GPM6A: variants seen among roughly 807,000 people sequenced by gnomAD.
GPM6A encodes glycoprotein M6A, also known as neuronal membrane glycoprotein M6-a.
Under a neutral mutation model 32.1 loss-of-function variants are expected in GPM6A, and 7 were observed. The ratio of observed to expected loss-of-function variants is 0.22; its 90% confidence interval spans 0.12 to 0.41. GPM6A has a LOEUF of 0.41. Among genes scored for constraint, GPM6A ranks in the 10% least tolerant of loss-of-function variants. The pLI, the probability that GPM6A is intolerant of heterozygous loss-of-function variation, is 1.00. For synonymous variants in GPM6A, 130 were observed against 123.4 expected (o/e 1.05, Z -0.35); for missense variants, 235 against 347.2 (o/e 0.68, Z 2.57).
intron 6 of GPM6A, among the ~76,000 whole-genome samples, chr4:175,635,777 T>C (rs2110858847): frequency 6.6e-6 from 1 of 152,254 alleles, no homozygotes; most frequent in African/African-American, 2.4e-5. Flanking sequence ...CTTTTCTTTC[T>C]TCCCTCTTGG....
chr4:175,767,693 A>G (rs1334440580), intron 1 of GPM6A, among the ~76,000 whole-genome samples: 2 of 152,222 alleles, frequency 1.3e-5, no homozygotes, highest in African/African-American at 4.8e-5. Context: ...TAGGAGTTTT[A>G]TAAACATTTT....
chr4:175,806,216 T>A (rs1734689253), intron 1 of GPM6A: 1 of 152,156 alleles, frequency 6.6e-6, no homozygotes, highest in Admixed American at 6.6e-5. Flanking sequence ...ATCCTATGAA[T>A]CTCTCATGAG....
intron 6 of GPM6A, among the ~76,000 whole-genome samples, chr4:175,636,771 G>A (rs1740641949): frequency 6.7e-6 from 1 of 148,714 alleles, no homozygotes; most frequent in Non-Finnish European, 1.5e-5. Context: ...CCTCTAGCCT[G>A]GGCAACAGAG....
intron 1 of GPM6A, chr4:175,798,697 T>C (rs1401388615): frequency 6.6e-6 from 1 of 152,200 alleles, no homozygotes; most frequent in Non-Finnish European, 1.5e-5. Flanking sequence ...AAGTTTTGAA[T>C]GTTACCACTG....
intron 1 of GPM6A, among the ~76,000 whole-genome samples, chr4:175,844,519 T>C (rs1404303439): frequency 1.3e-5 from 2 of 152,204 alleles, no homozygotes; most frequent in Admixed American, 6.6e-5. Context: ...TCATTTTAGG[T>C]TTCAATAATA....
At chr4:175,975,629 T>C (rs983367789) in intron 1 of GPM6A, among the ~76,000 whole-genome samples, 1 of 152,240 alleles carries the variant, frequency 6.6e-6, no homozygotes, top group Non-Finnish European at 1.5e-5. Flanking sequence ...AACTAATTTT[T>C]AGAAATATTT....
chr4:175,748,587 C>T (rs777485885), intron 1 of GPM6A, among the ~76,000 whole-genome samples: 5 of 152,124 alleles, frequency 3.3e-5, no homozygotes, highest in Non-Finnish European at 7.4e-5. Flanking sequence ...AACAGATGTG[C>T]TGTCACCTTT....
chr4:175,699,719 T>C (rs1744770253), intron 2 of GPM6A, among the ~76,000 whole-genome samples: 1 of 152,128 alleles, frequency 6.6e-6, no homozygotes, highest in African/African-American at 2.4e-5. Flanking sequence ...TTCTTATCAG[T>C]CTTTCTCTAG....
intron 1 of GPM6A, among the ~76,000 whole-genome samples, chr4:175,831,422 C>T (rs1735607153): frequency 1.3e-5 from 2 of 152,140 alleles, no homozygotes; most frequent in Admixed American, 1.3e-4. Context: ...TACTTTATGC[C>T]TGACTATAGA....
intron 3 of GPM6A, among the ~76,000 whole-genome samples, chr4:175,663,822 T>C (rs947276008): frequency 6.6e-6 from 1 of 151,440 alleles, no homozygotes; most frequent in Non-Finnish European, 1.5e-5. Flanking sequence ...GCCTCCCAAG[T>C]AGCTGGGACT....
At chr4:175,857,183 A>G (rs976879958) in intron 1 of GPM6A, among the ~76,000 whole-genome samples, 1 of 152,236 alleles carries the variant, frequency 6.6e-6, no homozygotes, top group African/African-American at 2.4e-5. Context: ...TTTAAAATGT[A>G]ATTGATTCAA....
chr4:175,841,245 A>T (rs1392624139), intron 1 of GPM6A, among the ~76,000 whole-genome samples: 1 of 152,164 alleles, frequency 6.6e-6, no homozygotes, highest in Non-Finnish European at 1.5e-5. Flanking sequence ...TATATAATTA[A>T]CAGTAATTTG....
At chr4:175,868,883 A>G (rs1736818485) in intron 1 of GPM6A, among the ~76,000 whole-genome samples, 1 of 152,188 alleles carries the variant, frequency 6.6e-6, no homozygotes, top group Non-Finnish European at 1.5e-5. Flanking sequence ...TGACTTCAGG[A>G]AAGTGTCAGT....
intron 1 of GPM6A, among the ~76,000 whole-genome samples, chr4:175,797,232 T>C (rs1734269460): frequency 6.6e-6 from 1 of 152,200 alleles, no homozygotes; most frequent in Non-Finnish European, 1.5e-5. Flanking sequence ...ATTTTATTCA[T>C]TTTATTTGTG....
chr4:175,643,517 T>C (rs574887402), intron 4 of GPM6A, among the ~76,000 whole-genome samples: 245 of 152,208 alleles, frequency 1.6e-3, no homozygotes, highest in African/African-American at 5.0e-3. Flanking sequence ...TTCCCAGAGC[T>C]GAGCTACTCC....
At chr4:175,655,326 A>C (rs1742019841) in intron 3 of GPM6A, among the ~76,000 whole-genome samples, 1 of 152,118 alleles carries the variant, frequency 6.6e-6, no homozygotes, top group Non-Finnish European at 1.5e-5. Flanking sequence ...AAGGAAGCTA[A>C]AATATAATTT....
rs1411081540 is a variant in GPM6A at position 175,701,745 on chromosome 4, T to C, written c.60A>G (p.Lys20=). The C allele has an allele frequency of 6.2e-7, 1 of 1,612,290 alleles. No individual in the cohort carries two copies. The highest frequency in any genetic ancestry group is 2.2e-5 in the East Asian group (1 of 44,870). ...AGGCATAGGGAATGCCCCCCAGGCA[T>C]TTGATACAGCATTCAAAACACCCTG... ...TQKGCFECCI[K]CLGGIPYASL... is the part of the protein sequence containing the mutation. Residue 20 remains lysine (K), a synonymous_variant, in exon 2 of 7, where the codon AAA becomes AAG. Coordinates refer to ENST00000393658, the MANE Select transcript of GPM6A (RefSeq NM_201591.3).
At chr4:175,725,993 C>CTTTTTTTTTTTT (rs377474451) in intron 1 of GPM6A, among the ~76,000 whole-genome samples, 1 of 121,924 alleles carries the variant, frequency 8.2e-6, no homozygotes, top group Non-Finnish European at 1.6e-5. Flanking sequence ...CCTGTTTCTT[C>CTTTTTTTTTTTT]TTTTTTTTTT....
chr4:175,755,303 G>T (rs1376129785), intron 1 of GPM6A, among the ~76,000 whole-genome samples: 1 of 151,952 alleles, frequency 6.6e-6, no homozygotes, highest in African/African-American at 2.4e-5. Flanking sequence ...GGTATCCTTA[G>T]CTATACCTAA....
Sources: gnomAD v4.1 joint callset for allele counts (sites outside exome capture counted in the v4.1 genomes callset) on GRCh38, gnomAD v4.1.1 for gene constraint, MANE v1.5 for transcripts, NCBI Gene and HGNC (gene_info 2026-07-23, HGNC 2026-07-21) for gene names.